The following ARID5B variants were observed in gnomAD, a reference collection of about 807,000 sequenced individuals.
ARID5B encodes AT-rich interactive domain-containing protein 5B.
In ARID5B, 13 loss-of-function variants were observed where a neutral mutation model predicts 97.2. That is an observed-to-expected ratio of 0.13 (90% CI 0.09 to 0.21). The LOEUF (loss-of-function observed/expected upper bound fraction) is 0.21, where lower values mean the gene tolerates loss of function less well. Ranked by LOEUF, ARID5B falls within the 10% of genes least tolerant of loss-of-function variation. The pLI is 1.00. For synonymous variants in ARID5B, 556 were observed against 570.3 expected, an observed-to-expected ratio of 0.97 and a Z score of 0.36; for missense variants, 1,210 against 1,465.3, an observed-to-expected ratio of 0.83 and a Z score of 2.84.
intron 4 of ARID5B, among the ~76,000 whole-genome samples, chr10:62,018,405 C>T (rs1357729880): frequency 6.6e-6 from 1 of 152,176 alleles, no homozygotes; most frequent in Admixed American, 6.5e-5. Context: ...TGCCTTCCTT[C>T]GTCACCACAG....
At chr10:61,968,037 A>G (rs1838571028) in intron 3 of ARID5B, among the ~76,000 whole-genome samples, 1 of 149,876 alleles carries the variant, frequency 6.7e-6, no homozygotes, top group African/African-American at 2.5e-5. Flanking sequence ...GAAAATGCGC[A>G]TTTTCTTATT....
chr10:62,001,627 G>A (rs1839081063), intron 4 of ARID5B, among the ~76,000 whole-genome samples: 2 of 152,114 alleles, frequency 1.3e-5, no homozygotes, highest in Admixed American at 6.5e-5. Flanking sequence ...ACAGAGTTGG[G>A]GTGAGGATGA....
At chr10:62,066,267 G>C (rs1208761886) in intron 7 of ARID5B, among the ~76,000 whole-genome samples, 2 of 152,146 alleles carry the variant, frequency 1.3e-5, no homozygotes, top group Non-Finnish European at 2.9e-5. Context: ...GGAGAATTTA[G>C]ACATTTCTTC....
chr10:61,918,904 T>G (rs1485131617), intron 2 of ARID5B, among the ~76,000 whole-genome samples: 3 of 152,048 alleles, frequency 2.0e-5, no homozygotes, highest in Non-Finnish European at 4.4e-5. Context: ...TGTGGTGGCA[T>G]GCACCTGTAA....
At chr10:62,090,075 G>A (rs1217963068) in intron 9 of ARID5B, among the ~76,000 whole-genome samples, 1 of 152,190 alleles carries the variant, frequency 6.6e-6, no homozygotes, top group East Asian at 1.9e-4. Context: ...GTCACATAAG[G>A]AGTGTGTCTG....
At chr10:62,085,984 G>A in intron 9 of ARID5B, 84 bp downstream of exon 9, 1 of 1,397,760 alleles carries the variant, frequency 7.2e-7, no homozygotes, top group Non-Finnish European at 9.7e-7. Context: ...CCACAGCTGT[G>A]TCCCTGCACA....
intron 3 of ARID5B, among the ~76,000 whole-genome samples, chr10:61,960,168 T>C (rs1838450745): frequency 6.6e-6 from 1 of 152,160 alleles, no homozygotes; most frequent in Non-Finnish European, 1.5e-5. Context: ...ATTTTTCTTT[T>C]ATATTTTCAA....
intron 4 of ARID5B, among the ~76,000 whole-genome samples, chr10:62,032,061 G>A (rs924035677): frequency 2.0e-5 from 3 of 152,178 alleles, no homozygotes; most frequent in African/African-American, 7.2e-5. Flanking sequence ...GCGCAGTGGT[G>A]TGTGCCTGTA....
chr10:61,924,738 C>T (rs16916860), intron 2 of ARID5B, among the ~76,000 whole-genome samples: 1 of 152,192 alleles, frequency 6.6e-6, no homozygotes, highest in Non-Finnish European at 1.5e-5. Flanking sequence ...GACTGCTCTT[C>T]TAATTAATGG....
chr10:62,000,215 C>G lies in ARID5B; in HGVS notation c.627C>G (p.Ala209=). The change falls in exon 4 of 10, where the codon GCC becomes GCG. Residue 209 remains alanine, a synonymous_variant. Coordinates refer to ENST00000279873, the MANE Select transcript of ARID5B (RefSeq NM_032199.3). This position sits in a 1 kb window ranked among gnomAD's most constrained non-coding sequence, Gnocchi z 4.4. ...TTCTAACGGACCAGTTTGCATTGGCCCTGGGGGGCATTGCAGTGGTCAGCA... is the reference window on the plus strand; with the variant it reads ...TTCTAACGGACCAGTTTGCATTGGCGCTGGGGGGCATTGCAGTGGTCAGCA... ...SSILTDQFAL[A]LGGIAVVSRN... The G allele has an allele frequency of 6.2e-7, 1 of 1,614,008 alleles. No homozygotes were observed. The highest frequency in any genetic ancestry group is 8.5e-7 in the Non-Finnish European group (1 of 1,179,922).
chr10:62,057,619 G>A (rs1410195260), intron 6 of ARID5B, among the ~76,000 whole-genome samples: 1 of 152,136 alleles, frequency 6.6e-6, no homozygotes, highest in Non-Finnish European at 1.5e-5. Flanking sequence ...TGTCTGTGAC[G>A]CCTTTCTTGT....
At chr10:62,036,181 G>C (rs558670456) in intron 4 of ARID5B, among the ~76,000 whole-genome samples, 6 of 152,264 alleles carry the variant, frequency 3.9e-5, no homozygotes, top group African/African-American at 1.4e-4. Context: ...AAAAAGAAAA[G>C]GTATCGATGT....
chr10:62,061,197 G>A (rs1337714597), intron 7 of ARID5B, among the ~76,000 whole-genome samples: 1 of 152,110 alleles, frequency 6.6e-6, no homozygotes, highest in South Asian at 2.1e-4. Flanking sequence ...ATCAAACAAG[G>A]TGGAAAAAGG....
chr10:62,034,298 G>A (rs1839533862), intron 4 of ARID5B, among the ~76,000 whole-genome samples: 2 of 152,174 alleles, frequency 1.3e-5, no homozygotes, highest in Non-Finnish European at 1.5e-5. Context: ...TAGAACACAA[G>A]CTCACTGTAT....
At chr10:62,085,932 G>A (rs1280479337) in intron 9 of ARID5B, 32 bp downstream of exon 9, 3 of 1,596,072 alleles carry the variant, frequency 1.9e-6, no homozygotes, top group Non-Finnish European at 2.6e-6. Flanking sequence ...AAATACCTCT[G>A]GAAGACATGT....
chr10:61,915,853 T>C (rs1305756398), intron 2 of ARID5B, among the ~76,000 whole-genome samples: 1 of 152,112 alleles, frequency 6.6e-6, no homozygotes. Context: ...CCTCCCAGAT[T>C]CAAGTGATTC....
At chr10:61,937,909 C>T (rs1263432357) in intron 2 of ARID5B, among the ~76,000 whole-genome samples, 1 of 152,156 alleles carries the variant, frequency 6.6e-6, no homozygotes, top group Non-Finnish European at 1.5e-5. Context: ...TTTCCCCCTC[C>T]TCTCCTTATC....
At position 62,072,195 on chromosome 10, in the gene ARID5B, A is replaced by G. The variant is rs1840074256; in HGVS notation, c.1199+2398A>G. On this transcript the variant is annotated intron_variant, in intron 8 of 9. Coordinates refer to ENST00000279873, the MANE Select transcript of ARID5B (RefSeq NM_032199.3). The stretch of plus-strand genomic sequence containing the variant: ...GGAGCTCAGAGGTGGAGCACTGCAG[A>G]GCTGGGCTGAAACCTGAGGAGGCGG... Among the ~76,000 whole-genome samples the G allele has an allele frequency of 2.0e-5, 3 of 152,204 alleles. No homozygotes were observed. In the South Asian group the frequency reaches 6.2e-4, roughly 32 times the overall value.
chr10:62,013,010 C>A (rs576399700), intron 4 of ARID5B, among the ~76,000 whole-genome samples: 3 of 152,132 alleles, frequency 2.0e-5, no homozygotes, highest in Non-Finnish European at 4.4e-5. Flanking sequence ...TTCTAGGAAT[C>A]TCTTATTGCC....
Sources: allele counts gnomAD v4.1 joint callset (sites outside exome capture counted in the v4.1 genomes callset), GRCh38; gene constraint gnomAD v4.1.1; non-coding constraint Gnocchi (gnomAD v3.1); transcripts MANE v1.5; gene names NCBI Gene and HGNC (gene_info 2026-07-23, HGNC 2026-07-21).